The following FAT2 variants were observed in gnomAD, a reference collection of about 807,000 sequenced individuals.
FAT2 encodes protocadherin Fat 2.
A neutral mutation model predicts 295.3 loss-of-function variants in FAT2; 150 were observed. The observed-to-expected ratio is 0.51, with a 90% confidence interval of 0.44 to 0.58. FAT2 has a LOEUF of 0.58. FAT2 is among the 20% of genes least tolerant of loss of function. The pLI is 0.00. For missense variants in FAT2, 4,868 were observed against 5,442.7 expected, an observed-to-expected ratio of 0.89 and a Z score of 3.32; for synonymous variants, 2,026 against 2,150.3, an observed-to-expected ratio of 0.94 and a Z score of 1.60.
rs2127607741 is a variant in FAT2 at position 151,543,507 on chromosome 5, C to T, written c.7620G>A (p.Leu2540=). Residue 2540 remains leucine (L), a synonymous_variant, in exon 10 of 24, where the codon CTG becomes CTA. Coordinates refer to ENST00000261800, the MANE Select transcript of FAT2 (RefSeq NM_001447.3). ...TTGAATTTTCCCGATCCAGTTTCTG[C>T]AGAGTGGCAATCTGGCCATTGGGGT... ...SINPNGQIAT[L]QKLDRENSTE... The T allele has an allele frequency of 1.2e-6, 2 of 1,614,180 alleles. No individual in the cohort carries two copies. The highest frequency in any genetic ancestry group is 1.7e-6 in the Non-Finnish European group (2 of 1,180,038).
At position 151,546,071 on chromosome 5, in the gene FAT2, T is replaced by C; in HGVS notation, c.5056A>G (p.Ser1686Gly). The part of the protein sequence containing the change: ...GSPILLVSAM[S>G]PSEVTYELRE... ...AACTCATAGGTAACTTCAGAGGGGC[T>C]CATAGCAGAGACAAGGAGGATTGGG... The change falls in exon 10 of 24, where the codon AGC (serine) becomes GGC (glycine). Residue 1686 changes from serine (S) to glycine (G), a missense_variant. By Grantham distance (56) the Ser-to-Gly change is moderately conservative. Coordinates refer to ENST00000261800, the MANE Select transcript of FAT2 (RefSeq NM_001447.3). 6.2e-7 allele frequency: 1 copy of C among 1,614,146 alleles called. No individual in the cohort carries two copies. The highest frequency in any genetic ancestry group is 8.5e-7 in the Non-Finnish European group (1 of 1,180,024).
Position 151,567,565 on chromosome 5 carries a change from G to A in FAT2, c.1367C>T (p.Pro456Leu), listed in dbSNP as rs1425690543. 1 of 1,614,178 alleles carries A rather than the reference G, an allele frequency of 6.2e-7. No homozygotes were observed. ...ATCATAGGAAGACCTGTTGAAGAGG[G>A]GGGCATGGTTGTTGCAGTCCACAAT... ...IDIVDCNNHA[P>L]LFNRSSYDGT... The change falls in exon 2 of 24, where the codon CCC becomes CTC. Residue 456 changes from proline (P) to leucine (L), a missense_variant. Transcript: ENST00000261800.
Position 151,543,471 on chromosome 5 carries a change from G to A in FAT2, c.7656C>T (p.Val2552=), listed in dbSNP as rs1756350468. The change falls in exon 10 of 24, where the codon GTC becomes GTT. Residue 2552 remains valine (V), a synonymous_variant. Transcript: ENST00000261800. ...CCCGAGCCATGACCTTAATAGCAAT[G>A]ACTCTCTCTGTTGAATTTTCCCGAT... is the stretch of plus-strand genomic sequence containing the variant. ...KLDRENSTER[V]IAIKVMARDG... is the part of the protein sequence containing the mutation. The A allele has an allele frequency of 6.2e-7, 1 of 1,614,018 alleles. No individual in the cohort carries two copies.
At chr5:151,552,703 T>A (rs909453066) in intron 6 of FAT2, among the ~76,000 whole-genome samples, 6 of 152,172 alleles carry the variant, frequency 3.9e-5, no homozygotes, top group Non-Finnish European at 8.8e-5. Context: ...GAGAAGGCCA[T>A]CAGAGCCCGG....
intron 5 of FAT2, 104 bp from the exon 6 acceptor site, chr5:151,553,491 G>T: frequency 2.1e-6 from 2 of 973,048 alleles, no homozygotes; most frequent in Non-Finnish European, 3.2e-6. Context: ...GACCAAGCAG[G>T]CCTCTCATCC....
rs1430167960 is a variant in FAT2 at position 151,512,444 on chromosome 5, G to A, written c.11626C>T (p.Leu3876Phe). The A allele has an allele frequency of 2.5e-6, 4 of 1,614,256 alleles. No homozygotes were observed. Among genetic ancestry groups the A allele is most frequent in the Non-Finnish European group, 3.4e-6 (4 of 1,180,044 alleles). The change falls in exon 21 of 24, where the codon CTT (leucine) becomes TTT (phenylalanine). Residue 3876 changes from leucine (L) to phenylalanine (F), a missense_variant. Leu to Phe is a conservative substitution (Grantham distance 22). Around this residue, in one of 5 missense-constraint regions of FAT2, gnomAD observed 1,046 missense variants for 1,210.1 expected, o/e 0.86. Coordinates refer to ENST00000261800, the MANE Select transcript of FAT2 (RefSeq NM_001447.3). This position sits in a 1 kb window ranked among gnomAD's most constrained non-coding sequence, Gnocchi z 4.1. Reference protein sequence around the residue: ...LMVDSMGNTSLVVPENCRGLR... With the variant: ...LMVDSMGNTSFVVPENCRGLR... ...CCACGGCAGTTCTCTGGGACCACAA[G>A]GGAGGTGTTGCCCATGCTGTCAACC...
chr5:151,513,863 G>A (rs1294105015), intron 20 of FAT2, among the ~76,000 whole-genome samples: 1 of 152,094 alleles, frequency 6.6e-6, no homozygotes, highest in Non-Finnish European at 1.5e-5. Flanking sequence ...GTCTAATACT[G>A]AATATGTTGA....
At chr5:151,580,979 T>A (rs1758930966) in intron 1 of FAT2, among the ~76,000 whole-genome samples, 1 of 151,986 alleles carries the variant, frequency 6.6e-6, no homozygotes, top group Non-Finnish European at 1.5e-5. Flanking sequence ...AACAGAAGCT[T>A]CTCCTTGTTC....
At position 151,544,903 on chromosome 5, in the gene FAT2, T is replaced by C. The variant is rs1267261366; in HGVS notation, c.6224A>G (p.Tyr2075Cys). ...DNPPKFKHLP[Y>C]YTIIQDGTEP... ...TGTGCCATCTTGGATGATTGTGTAA[T>C]AGGGCAGATGCTTAAATTTGGGGGG... The change falls in exon 10 of 24, where the codon TAT becomes TGT. Residue 2075 changes from tyrosine (Y) to cysteine (C), a missense_variant. By Grantham distance (194) the Tyr-to-Cys change is radical. Around this residue, in one of 5 missense-constraint regions of FAT2, gnomAD observed 3,297 missense variants for 3,669.4 expected, o/e 0.90. Coordinates refer to ENST00000261800, the MANE Select transcript of FAT2 (RefSeq NM_001447.3). The C allele has an allele frequency of 6.2e-7, 1 of 1,614,168 alleles. No homozygotes were observed. The highest frequency in any genetic ancestry group is 8.5e-7 in the Non-Finnish European group (1 of 1,180,028).
At position 151,521,604 on chromosome 5, in the gene FAT2, C is replaced by G. The variant is rs1314866515; in HGVS notation, c.10989G>C (p.Arg3663=). ...GGAGGCTGGCCAAGTGAATGTTAGC[C>G]CGTTTGATGTCCAGCTTATGGCTGA... ...RFLSHKLDIK[R]ANIHLASLQP... is the part of the protein sequence containing the mutation. Residue 3663 remains arginine, a synonymous_variant, in exon 19 of 24, where the codon CGG becomes CGC. Transcript: ENST00000261800. 3 of 1,614,168 alleles carry G rather than the reference C, an allele frequency of 1.9e-6. No homozygotes were observed. The highest frequency in any genetic ancestry group is 2.5e-6 in the Non-Finnish European group (3 of 1,180,042).
chr5:151,589,381 C>T (rs1458893130), intron 1 of FAT2, among the ~76,000 whole-genome samples: 1 of 152,154 alleles, frequency 6.6e-6, no homozygotes, highest in Non-Finnish European at 1.5e-5. Context: ...TGAGTTCAGT[C>T]GCACTTAGGT....
At chr5:151,594,407 G>GC (rs968664302), upstream of FAT2, among the ~76,000 whole-genome samples, 1 of 152,184 alleles carries the variant, frequency 6.6e-6, no homozygotes, top group African/African-American at 2.4e-5. Flanking sequence ...GGAAGCCCAG[G>GC]CCCCAGACCC....
rs767710208 is a variant in FAT2 at position 151,566,395 on chromosome 5, T to G, written c.2537A>C (p.Asp846Ala). 1.4e-5 allele frequency: 23 copies of G among 1,613,940 alleles called. No homozygotes were observed. The South Asian group carries it at 2.4e-4, about 17-fold the overall frequency. The change falls in exon 2 of 24, where the codon GAT (aspartate) becomes GCT (alanine). Residue 846 changes from aspartate to alanine, a missense_variant. This residue lies in a region of FAT2 where 3,297 missense variants were observed against 3,669.4 expected (regional missense o/e 0.90). Coordinates refer to ENST00000261800, the MANE Select transcript of FAT2 (RefSeq NM_001447.3). ...GTTIAELTTK[D>A]ADSEDNGRVR... is the part of the protein sequence containing the mutation. ...CCTGCCATTGTCTTCCGAGTCAGCA[T>G]CTTTGGTTGTCAGCTCTGCAATTGT...
intron 20 of FAT2, among the ~76,000 whole-genome samples, chr5:151,513,764 ATTAT>A (rs1010060223): frequency 1.3e-5 from 2 of 152,242 alleles, no homozygotes; most frequent in Admixed American, 6.5e-5. Context: ...GAAGAAAAAA[ATTAT>A]TTAATTAATT....
intron 12 of FAT2, 125 bp downstream of exon 12, chr5:151,537,668 C>T: frequency 1.1e-6 from 1 of 916,850 alleles, no homozygotes; most frequent in Non-Finnish European, 1.6e-6. Context: ...GCACATAGGG[C>T]CAATATATGT....
rs1756588472 is a variant in FAT2, at chr5:151,545,954, A to T, written c.5173T>A (p.Ser1725Thr). The change falls in exon 10 of 24, where the codon TCT (serine) becomes ACT (threonine). Residue 1725 changes from serine (S) to threonine (T), a missense_variant. Physicochemically the swap from Ser to Thr is moderately conservative, Grantham distance 58. Transcript: ENST00000261800. ...QKKLDHEKIS[S>T]YQLKIRGSNM... ...CTGCCTCGGATTTTCAGCTGGTAAG[A>T]CGAGATTTTCTCATGGTCCAATTTC... 1 of 1,614,036 alleles carries T rather than the reference A, an allele frequency of 6.2e-7. No homozygotes were observed. Among genetic ancestry groups the T allele is most frequent in the African/African-American group, 1.3e-5 (1 of 74,926 alleles).
chr5:151,538,031 C>A (rs1755651843), intron 11 of FAT2, 85 bp from the exon 12 acceptor site: 2 of 1,241,856 alleles, frequency 1.6e-6, no homozygotes, highest in South Asian at 3.1e-5. Context: ...CTGAGGGAGG[C>A]AGAAGCAGAA....
At chr5:151,547,219 C>G (rs1756730484) in intron 9 of FAT2, among the ~76,000 whole-genome samples, 1 of 152,140 alleles carries the variant, frequency 6.6e-6, no homozygotes, top group Non-Finnish European at 1.5e-5. Flanking sequence ...GAGATAAAAT[C>G]TACTGCTTGC....
intron 2 of FAT2, among the ~76,000 whole-genome samples, chr5:151,565,259 G>A (rs1758194504): frequency 6.6e-6 from 1 of 151,874 alleles, no homozygotes; most frequent in South Asian, 2.1e-4. Context: ...CTATTATACT[G>A]TATTTTCATA....
Sources: gnomAD v4.1 joint callset for allele counts (sites outside exome capture counted in the v4.1 genomes callset) on GRCh38, gnomAD v4.1.1 for gene constraint, gnomAD v4.1.1 regional missense constraint, Gnocchi (gnomAD v3.1) non-coding constraint, MANE v1.5 for transcripts, NCBI Gene and HGNC (gene_info 2026-07-23, HGNC 2026-07-21) for gene names.